Variants in EIPR1 observed in about 807,000 individuals in gnomAD.
The protein encoded by EIPR1 is EARP and GARP complex-interacting protein 1.
A neutral mutation model predicts 48.1 loss-of-function variants in EIPR1; 25 were observed. The observed-to-expected ratio is 0.52, with a 90% CI of 0.38 to 0.73. The LOEUF (loss-of-function observed/expected upper bound fraction) is 0.73, where lower values mean the gene tolerates loss of function less well. Among genes scored for constraint, EIPR1 ranks in the 30% least tolerant of loss-of-function variants. The pLI is 0.00. For synonymous variants in EIPR1, 204 were observed against 201.9 expected, an observed-to-expected ratio of 1.01 and a Z score of -0.09; for missense variants, 415 against 506.2, an observed-to-expected ratio of 0.82 and a Z score of 1.73.
intron 4 of EIPR1, among the ~76,000 whole-genome samples, chr2:3,251,550 C>T (rs1468050740): frequency 6.6e-6 from 1 of 152,122 alleles, no homozygotes; most frequent in African/African-American, 2.4e-5. Flanking sequence ...CAAATAACTA[C>T]CTGTAAATCT....
At chr2:3,201,925 ATTTTAT>A (rs1478111200) in intron 5 of EIPR1, among the ~76,000 whole-genome samples, 1 of 151,936 alleles carries the variant, frequency 6.6e-6, no homozygotes, top group African/African-American at 2.4e-5. Context: ...TTTTTATTTT[ATTTTAT>A]TTTTTATTAT....
At chr2:3,260,547 GAAGGAAAGA>G (rs372742244) in intron 3 of EIPR1, among the ~76,000 whole-genome samples, 51 of 151,070 alleles carry the variant, frequency 3.4e-4, no homozygotes, top group Middle Eastern at 3.4e-3. Flanking sequence ...GGGAAGGAGG[GAAGGAAAGA>G]AAGGAAAGAA....
intron 3 of EIPR1, chr2:3,274,429 AAGTC>A (rs1266299982): frequency 6.4e-7 from 1 of 1,550,562 alleles, no homozygotes; most frequent in Non-Finnish European, 8.7e-7. Flanking sequence ...GCTAGAAAAA[AAGTC>A]AGGGCAGAAC....
intron 5 of EIPR1, among the ~76,000 whole-genome samples, chr2:3,209,466 G>C (rs1159276682): frequency 6.6e-6 from 1 of 152,336 alleles, no homozygotes; most frequent in South Asian, 2.1e-4. Flanking sequence ...GTGCGTGGAA[G>C]GAGGCCCAGG....
chr2:3,208,752 T>G, intron 5 of EIPR1: 11 of 1,547,916 alleles, frequency 7.1e-6, no homozygotes, highest in Non-Finnish European at 9.6e-6. Flanking sequence ...CTTCTGTGAG[T>G]GAGGCCCGTG....
intron 4 of EIPR1, chr2:3,214,559 C>T (rs1327797191): frequency 1.9e-5 from 4 of 207,990 alleles, no homozygotes; most frequent in South Asian, 1.0e-4. Flanking sequence ...TTTAAAATAC[C>T]GTGAGCTGAA....
chr2:3,331,179 G>A (rs1368737670), intron 3 of EIPR1, among the ~76,000 whole-genome samples: 7 of 93,884 alleles, frequency 7.5e-5, no homozygotes, highest in Admixed American at 6.7e-4. Context: ...AGAGGCAGGT[G>A]TACACTCATA....
At chr2:3,220,746 G>A (rs924524239) in intron 4 of EIPR1, among the ~76,000 whole-genome samples, 28 of 150,710 alleles carry the variant, frequency 1.9e-4, no homozygotes, top group Admixed American at 7.9e-4. Context: ...CGGAACACAC[G>A]CACACAATGG....
At chr2:3,354,722 A>G in intron 1 of EIPR1, 89 bp from the exon 2 acceptor site, 2 of 1,292,388 alleles carry the variant, frequency 1.5e-6, no homozygotes, top group Non-Finnish European at 2.2e-6. Flanking sequence ...AGTTTATCTC[A>G]TCTACTGTTG....
chr2:3,252,353 G>A (rs913259082), intron 4 of EIPR1, among the ~76,000 whole-genome samples: 1 of 152,204 alleles, frequency 6.6e-6, no homozygotes, highest in African/African-American at 2.4e-5. Flanking sequence ...CACTTTCGGA[G>A]GCTGAGGTGG....
At chr2:3,204,651 G>A (rs1161200336) in intron 5 of EIPR1, among the ~76,000 whole-genome samples, 2 of 152,202 alleles carry the variant, frequency 1.3e-5, no homozygotes, top group East Asian at 1.9e-4. Flanking sequence ...ACCTCCTAAC[G>A]AGCAAAATGA....
At chr2:3,221,075 GGCCGAGGT>G (rs1665876174) in intron 4 of EIPR1, among the ~76,000 whole-genome samples, 1 of 16,430 alleles carries the variant, frequency 6.1e-5, no homozygotes, top group Non-Finnish European at 1.9e-4. Context: ...CGCACACAAT[GGCCGAGGT>G]ACACTCTAGA....
At chr2:3,192,673 G>A in intron 7 of EIPR1, 92 bp from the exon 8 acceptor site, 1 of 1,369,966 alleles carries the variant, frequency 7.3e-7, no homozygotes, top group Middle Eastern at 1.9e-4. Context: ...CCACTAGGCT[G>A]GGGCTCACGT....
chr2:3,372,503 A>G (rs531032910), intron 1 of EIPR1, among the ~76,000 whole-genome samples: 1 of 152,328 alleles, frequency 6.6e-6, no homozygotes, highest in African/African-American at 2.4e-5. Context: ...ATAAAGAAAA[A>G]AAGAGAAGAA....
intron 3 of EIPR1, among the ~76,000 whole-genome samples, chr2:3,259,288 C>CT (rs1055764664): frequency 1.2e-4 from 6 of 48,856 alleles, no homozygotes; most frequent in Non-Finnish European, 3.2e-4. Flanking sequence ...GGCAGACACT[C>CT]CCCCCCACAT....
intron 3 of EIPR1, among the ~76,000 whole-genome samples, chr2:3,261,112 G>A (rs377059906): frequency 2.6e-5 from 4 of 152,176 alleles, no homozygotes; most frequent in South Asian, 2.1e-4. Flanking sequence ...GTCGGGTGAC[G>A]GTATGTAACT....
Position 3,354,588 on chromosome 2 carries a change from A to T in EIPR1, c.88T>A (p.Phe30Ile). 6.2e-7 allele frequency: 1 copy of T among 1,614,092 alleles called. No homozygotes were observed. Among genetic ancestry groups the T allele is most frequent in the Non-Finnish European group, 8.5e-7 (1 of 1,179,994 alleles). Residue 30 changes from phenylalanine (F) to isoleucine (I), a missense_variant, in exon 2 of 9, where the codon TTT becomes ATT. Phe to Ile is a conservative substitution (Grantham distance 21). Transcript: ENST00000382125. ...PQTAETDAIR[F>I]LVGTQSLKYD... ...TTAAGAGACTGCGTCCCAACCAAAA[A>T]CCGAATGGCATCTGTTTCTGCAGTT...
intron 4 of EIPR1, among the ~76,000 whole-genome samples, chr2:3,236,813 G>C (rs1346128332): frequency 1.3e-5 from 2 of 152,220 alleles, no homozygotes; most frequent in Non-Finnish European, 2.9e-5. Context: ...ATAAATGGCA[G>C]AGCTGAGAGT....
At chr2:3,300,147 T>C (rs1232864945) in intron 3 of EIPR1, among the ~76,000 whole-genome samples, 1 of 152,226 alleles carries the variant, frequency 6.6e-6, no homozygotes, top group East Asian at 1.9e-4. Flanking sequence ...AATTCAACCC[T>C]GTGAAATCCC....
Sources: allele counts gnomAD v4.1 joint callset (sites outside exome capture counted in the v4.1 genomes callset), GRCh38; gene constraint gnomAD v4.1.1; transcripts MANE v1.5; gene names NCBI Gene and HGNC (gene_info 2026-07-23, HGNC 2026-07-21).